The following NELL1 variants were observed in gnomAD, a reference collection of about 807,000 sequenced individuals.
NELL1 encodes the protein neural EGFL like 1, also known as protein kinase C-binding protein NELL1.
NELL1 carries 76 observed loss-of-function variants against 107.4 expected under a neutral mutation model. The ratio of observed to expected loss-of-function variants is 0.71; its 90% CI spans 0.59 to 0.86. The LOEUF (loss-of-function observed/expected upper bound fraction) is 0.86. Among genes scored for constraint, NELL1 ranks in the 40% least tolerant of loss-of-function variants. NELL1 has a pLI of 0.00. For missense variants in NELL1, 1,024 were observed against 1,005.5 expected (o/e 1.02, Z -0.25); for synonymous variants, 353 against 341.2 (o/e 1.03, Z -0.38).
At chr11:20,862,379 G>T (rs1167783336) in intron 4 of NELL1, among the ~76,000 whole-genome samples, 1 of 151,996 alleles carries the variant, frequency 6.6e-6, no homozygotes, top group Non-Finnish European at 1.5e-5. Context: ...CACTACACAC[G>T]CACAAGCTTC....
intron 14 of NELL1, among the ~76,000 whole-genome samples, chr11:21,270,947 A>G (rs1018347988): frequency 6.6e-6 from 1 of 152,162 alleles, no homozygotes; most frequent in Non-Finnish European, 1.5e-5. Flanking sequence ...GAAATCTCAA[A>G]AGAAATTAAA....
intron 12 of NELL1, among the ~76,000 whole-genome samples, chr11:21,096,118 A>G (rs962696382): frequency 2.6e-5 from 4 of 152,168 alleles, no homozygotes; most frequent in African/African-American, 4.8e-5. Flanking sequence ...TAGCCAAGCC[A>G]TATCAGTTGC....
Position 21,235,005 on chromosome 11 carries a change from G to C in NELL1, c.1549+5551G>C, listed in dbSNP as rs536365715. 3.2e-4 allele frequency among the ~76,000 whole-genome samples: 49 copies of C among 152,290 alleles called. 1 individual carries two copies. In the South Asian group the frequency reaches 1.0e-2, roughly 31 times the overall value. ...TTATAAACTACTGGGCTGTGAATCG[G>C]AGAAGATGAAATTTGGGGAGTTTGA... On this transcript the variant is annotated intron_variant, in intron 14 of 19. Transcript: ENST00000357134.
At chr11:20,788,314 C>T (rs954981062) in intron 3 of NELL1, among the ~76,000 whole-genome samples, 2 of 152,164 alleles carry the variant, frequency 1.3e-5, no homozygotes, top group African/African-American at 2.4e-5. Flanking sequence ...TTTACATTCC[C>T]CGAAGCAGCG....
At chr11:21,126,392 G>A (rs1342822611) in intron 13 of NELL1, among the ~76,000 whole-genome samples, 3 of 151,862 alleles carry the variant, frequency 2.0e-5, no homozygotes, top group Non-Finnish European at 4.4e-5. Flanking sequence ...ATGCTAATGC[G>A]ATGTGTTCAG....
At chr11:20,917,468 A>G (rs751757595) in intron 5 of NELL1, among the ~76,000 whole-genome samples, 1 of 151,982 alleles carries the variant, frequency 6.6e-6, no homozygotes, top group Admixed American at 6.6e-5. Context: ...TAAGCTCAGT[A>G]TTCTGAACCA....
intron 2 of NELL1, among the ~76,000 whole-genome samples, chr11:20,704,008 T>C (rs1390821556): frequency 6.6e-6 from 1 of 152,222 alleles, no homozygotes; most frequent in African/African-American, 2.4e-5. Context: ...GTTCTGTAGA[T>C]GTCTATTAGG....
In NELL1 at chr11:20,915,717, A is replaced by ATATATATATATATTTTTTTTT; in HGVS notation, c.604-2464_604-2463insATATATATATATTTTTTTTTT. Among the ~76,000 whole-genome samples the ATATATATATATATTTTTTTTT allele has an allele frequency of 1.6e-3, 93 of 58,194 alleles. 2 individuals are homozygous for ATATATATATATATTTTTTTTT. The highest frequency in any genetic ancestry group is 7.7e-3 in the African/African-American group (87 of 11,296). 38.2% of individuals were successfully genotyped at this position (58,194 alleles called of 152,430 possible). ...TCATAGATGATATATATATATATATATTTTTTTTTTTTTTTTTTGAGAGGA... is the reference window on the plus strand; with the variant it reads ...TCATAGATGATATATATATATATATATATATATATATATTTTTTTTTTTTTTTTTTTTTTTTTTTGAGAGGA... On this transcript the variant is annotated intron_variant, in intron 5 of 19. Coordinates refer to ENST00000357134, the MANE Select transcript of NELL1 (RefSeq NM_006157.5).
intron 12 of NELL1, among the ~76,000 whole-genome samples, chr11:21,003,248 G>GA (rs199680920): frequency 1.9e-3 from 291 of 152,070 alleles, no homozygotes; most frequent in African/African-American, 6.2e-3. Context: ...CTTCTTTTCT[G>GA]AAAAAATGTG....
intron 13 of NELL1, among the ~76,000 whole-genome samples, chr11:21,188,231 C>G (rs1249438599): frequency 6.6e-6 from 1 of 151,804 alleles, no homozygotes; most frequent in African/African-American, 2.4e-5. Context: ...CTTGGGGAAG[C>G]AGGTGAACTA....
At chr11:20,883,418 G>T (rs971231461) in intron 4 of NELL1, among the ~76,000 whole-genome samples, 1 of 152,164 alleles carries the variant, frequency 6.6e-6, no homozygotes, top group Non-Finnish European at 1.5e-5. Flanking sequence ...GGCCTACTCT[G>T]CTCATTGGAG....
chr11:21,487,862 C>A (rs1313907448), intron 15 of NELL1, among the ~76,000 whole-genome samples: 1 of 152,058 alleles, frequency 6.6e-6, no homozygotes, highest in Admixed American at 6.5e-5. Context: ...CAGAAGCTAA[C>A]AACCGGGAGG....
intron 2 of NELL1, among the ~76,000 whole-genome samples, chr11:20,681,277 T>A (rs74747317): frequency 0.035 from 5,391 of 152,170 alleles, 330 homozygotes; most frequent in African/African-American, 0.12. Context: ...CAAGAAGAAA[T>A]CAGACTGTAA....
intron 14 of NELL1, among the ~76,000 whole-genome samples, chr11:21,277,312 T>A (rs1415406877): frequency 6.6e-6 from 1 of 152,108 alleles, no homozygotes; most frequent in Non-Finnish European, 1.5e-5. Flanking sequence ...TCATCATCAC[T>A]GGCCATCAGA....
In NELL1 at chr11:20,895,266, C is replaced by T. The variant is rs1407692469; in HGVS notation, c.603+9726C>T. Among the ~76,000 whole-genome samples, 28 of 27,970 alleles carry T rather than the reference C, an allele frequency of 1.0e-3. 1 individual carries two copies. The highest frequency in any genetic ancestry group is 1.5e-3 in the Non-Finnish European group (21 of 14,028). The allele number at this position is 27,970 out of a possible 152,430, so 18.3% of individuals were successfully genotyped here. A position where few individuals can be genotyped will look rare whatever the true frequency, so the allele number is the denominator to read the frequency against. ...CAGCCTGGGCGACAGAGCGAGACTC[C>T]GTCTCAAAAAAAAAAAAAAAAAAAA... On this transcript the variant is annotated intron_variant, in intron 5 of 19. Coordinates refer to ENST00000357134, the MANE Select transcript of NELL1 (RefSeq NM_006157.5).
At chr11:21,179,650 G>C (rs1856785222) in intron 13 of NELL1, among the ~76,000 whole-genome samples, 1 of 151,772 alleles carries the variant, frequency 6.6e-6, no homozygotes, top group African/African-American at 2.4e-5. Context: ...AAATCAAAGA[G>C]CAAGAAAAAT....
At chr11:21,388,776 G>A (rs543776620) in intron 15 of NELL1, among the ~76,000 whole-genome samples, 1 of 151,926 alleles carries the variant, frequency 6.6e-6, no homozygotes, top group African/African-American at 2.4e-5. Context: ...AAGGTATGGT[G>A]TAATACATCC....
At chr11:21,038,812 C>G (rs1352327848) in intron 12 of NELL1, among the ~76,000 whole-genome samples, 1 of 152,212 alleles carries the variant, frequency 6.6e-6, no homozygotes, top group Non-Finnish European at 1.5e-5. Flanking sequence ...AAGAAAAAGA[C>G]TTTGCTCTAG....
intron 15 of NELL1, among the ~76,000 whole-genome samples, chr11:21,394,790 C>T (rs949435755): frequency 1.5e-4 from 23 of 151,430 alleles, no homozygotes; most frequent in African/African-American, 5.6e-4. Flanking sequence ...TTAACATCTT[C>T]AAGAGTTAAC....
Sources: gnomAD v4.1 joint callset for allele counts (sites outside exome capture counted in the v4.1 genomes callset) on GRCh38, gnomAD v4.1.1 for gene constraint, MANE v1.5 for transcripts, NCBI Gene and HGNC (gene_info 2026-07-23, HGNC 2026-07-21) for gene names.